The following PLD5 variants were observed in gnomAD, a reference collection of about 807,000 sequenced individuals.
PLD5 encodes phospholipase D family member 5, also known as inactive phospholipase D5.
A neutral mutation model predicts 61.1 loss-of-function variants in PLD5; 36 were observed. The ratio of observed to expected loss-of-function variants is 0.59; its 90% CI spans 0.45 to 0.78. The LOEUF (loss-of-function observed/expected upper bound fraction) is 0.78, where lower values mean the gene tolerates loss of function less well. PLD5 is among the 30% of genes least tolerant of loss of function. PLD5 has a pLI of 0.00. For synonymous variants in PLD5, 243 were observed against 242.8 expected (o/e 1.00, Z -0.01); for missense variants, 515 against 644.4 (o/e 0.80, Z 2.17).
chr1:242,164,167 GAAAAAAAA>G (rs34329270), intron 5 of PLD5, among the ~76,000 whole-genome samples: 1 of 145,822 alleles, frequency 6.9e-6, no homozygotes, highest in African/African-American at 2.5e-5. Flanking sequence ...TCTGAATGCA[GAAAAAAAA>G]AAAAGAAATT....
Position 242,116,276 on chromosome 1 carries a change from C to T in PLD5, c.934-2250G>A, listed in dbSNP as rs536952238. On this transcript the variant is annotated intron_variant, in intron 6 of 9. Transcript: ENST00000536534. ...TGTGAGATGGAGCTGTTGGACTGGA[C>T]GCCCACCTTAGAAGGGGCATAGGGG... is the stretch of plus-strand genomic sequence containing the variant. Among the ~76,000 whole-genome samples, 7 of 152,216 alleles carry T rather than the reference C, an allele frequency of 4.6e-5. No individual in the cohort carries two copies. The East Asian group carries it at 7.7e-4, about 17-fold the overall frequency.
intron 1 of PLD5, among the ~76,000 whole-genome samples, chr1:242,376,159 G>A (rs1367933284): frequency 1.3e-5 from 2 of 152,176 alleles, no homozygotes; most frequent in East Asian, 3.9e-4. Flanking sequence ...CAGCCTTGCA[G>A]GTCTGCTGAG....
chr1:242,269,469 T>A (rs2149109775), intron 3 of PLD5, among the ~76,000 whole-genome samples: 1 of 150,996 alleles, frequency 6.6e-6, no homozygotes, highest in South Asian at 2.1e-4. Flanking sequence ...GAAATAAACC[T>A]GTTTCTCTAC....
At chr1:242,336,075 CAT>C (rs1558475673) in intron 2 of PLD5, among the ~76,000 whole-genome samples, 1 of 152,150 alleles carries the variant, frequency 6.6e-6, no homozygotes, top group Admixed American at 6.5e-5. Context: ...GTCTCAAAAA[CAT>C]GTGAAAAGAT....
intron 1 of PLD5, among the ~76,000 whole-genome samples, chr1:242,401,876 T>C (rs186298774): frequency 2.2e-4 from 34 of 152,380 alleles, no homozygotes; most frequent in African/African-American, 7.5e-4. Context: ...CCTGTTCATC[T>C]GTGCATTTCC....
intron 1 of PLD5, among the ~76,000 whole-genome samples, chr1:242,442,852 G>A (rs1266035528): frequency 6.6e-6 from 1 of 152,206 alleles, no homozygotes; most frequent in Non-Finnish European, 1.5e-5. Context: ...ACACAAATTT[G>A]AGAGGCAGTT....
At chr1:242,257,037 C>T (rs1176638009) in intron 4 of PLD5, among the ~76,000 whole-genome samples, 2 of 82,414 alleles carry the variant, frequency 2.4e-5, no homozygotes, top group South Asian at 4.4e-4. Context: ...ACCTACCTAC[C>T]TTCTATCTAT....
intron 2 of PLD5, among the ~76,000 whole-genome samples, chr1:242,328,330 T>C (rs972112244): frequency 6.6e-6 from 1 of 151,396 alleles, no homozygotes; most frequent in African/African-American, 2.4e-5. Flanking sequence ...TATATGTGTT[T>C]TACATACGTG....
chr1:242,258,359 A>C (rs1574625090), intron 4 of PLD5, among the ~76,000 whole-genome samples: 1 of 152,226 alleles, frequency 6.6e-6, no homozygotes, highest in South Asian at 2.1e-4. Context: ...TTTAGAATCT[A>C]CCTCTCTCAG....
chr1:242,394,230 A>G (rs1178559391), intron 1 of PLD5, among the ~76,000 whole-genome samples: 1 of 85,256 alleles, frequency 1.2e-5, no homozygotes, highest in Non-Finnish European at 2.2e-5. Context: ...ATATGTGTAT[A>G]TATATGAGTA....
chr1:242,229,862 T>C (rs1278353806), intron 4 of PLD5, among the ~76,000 whole-genome samples: 1 of 151,994 alleles, frequency 6.6e-6, no homozygotes, highest in Non-Finnish European at 1.5e-5. Context: ...ATGTATTTGT[T>C]TTCCTTGCCC....
intron 1 of PLD5, among the ~76,000 whole-genome samples, chr1:242,386,548 A>C (rs1662612644): frequency 2.6e-5 from 4 of 152,178 alleles, no homozygotes; most frequent in Admixed American, 2.0e-4. Flanking sequence ...GAAACAAGGC[A>C]AATGTGTCCC....
chr1:242,399,850 C>T (rs912598806), intron 1 of PLD5, among the ~76,000 whole-genome samples: 2 of 150,926 alleles, frequency 1.3e-5, no homozygotes, highest in African/African-American at 2.4e-5. Context: ...ACTGTGTAGG[C>T]GAGGGATCTA....
chr1:242,191,938 A>ACTCTCT (rs1304825358), intron 5 of PLD5, among the ~76,000 whole-genome samples: 1 of 152,042 alleles, frequency 6.6e-6, no homozygotes, highest in African/African-American at 2.4e-5. Context: ...AGAAAGACTC[A>ACTCTCT]CTCTCTCCAG....
At chr1:242,260,822 T>C (rs558910809) in intron 4 of PLD5, among the ~76,000 whole-genome samples, 3 of 152,298 alleles carry the variant, frequency 2.0e-5, no homozygotes, top group African/African-American at 7.2e-5. Flanking sequence ...TAGACTGCAG[T>C]AGAAATCAGA....
intron 1 of PLD5, among the ~76,000 whole-genome samples, chr1:242,389,230 C>T (rs569600172): frequency 1.3e-5 from 2 of 152,160 alleles, no homozygotes; most frequent in South Asian, 4.2e-4. Flanking sequence ...AATACTTTTC[C>T]TAAGTGTAAA....
At chr1:242,173,152 A>C (rs1574449541) in intron 5 of PLD5, among the ~76,000 whole-genome samples, 1 of 152,060 alleles carries the variant, frequency 6.6e-6, no homozygotes. Context: ...TATCTAGAAA[A>C]CCCCATCGTC....
chr1:242,193,513 G>T (rs1428016779), intron 5 of PLD5, among the ~76,000 whole-genome samples: 1 of 152,188 alleles, frequency 6.6e-6, no homozygotes, highest in African/African-American at 2.4e-5. Flanking sequence ...GCACACAGCT[G>T]GGGGCTGCTA....
chr1:242,510,983 T>C (rs1264839437), intron 1 of PLD5, among the ~76,000 whole-genome samples: 2 of 152,206 alleles, frequency 1.3e-5, no homozygotes, highest in Non-Finnish European at 2.9e-5. Context: ...GCTGAAAATG[T>C]AATATCATTT....
Sources: allele counts gnomAD v4.1 joint callset (sites outside exome capture counted in the v4.1 genomes callset), GRCh38; gene constraint gnomAD v4.1.1; transcripts MANE v1.5; gene names NCBI Gene and HGNC (gene_info 2026-07-23, HGNC 2026-07-21).